The following USP50 variants were observed in gnomAD, a reference collection of about 807,000 sequenced individuals.
USP50 encodes the protein ubiquitin carboxyl-terminal hydrolase 50.
USP50 carries 37 observed loss-of-function variants against 39.2 expected under a neutral mutation model. The observed-to-expected ratio is 0.94, with a 90% CI of 0.73 to 1.24. The LOEUF is 1.24. Ranked by LOEUF, USP50 falls within the 50% of genes most tolerant of loss-of-function variation. The pLI is 0.00. For synonymous variants in USP50, 139 were observed against 144.5 expected, an observed-to-expected ratio of 0.96 and a Z score of 0.27; for missense variants, 374 against 398.2, an observed-to-expected ratio of 0.94 and a Z score of 0.52.
chr15:50,533,493 T>C (rs1171569087), intron 5 of USP50, among the ~76,000 whole-genome samples: 1 of 151,798 alleles, frequency 6.6e-6, no homozygotes, highest in Non-Finnish European at 1.5e-5. Context: ...AACACACCTA[T>C]AGAGGAGCAA....
downstream of USP50, chr15:50,499,000 A>T: frequency 1.9e-6 from 3 of 1,613,966 alleles, no homozygotes; most frequent in Non-Finnish European, 2.5e-6. Flanking sequence ...GAAGTTTCTG[A>T]TATCTCCGTT....
In USP50 at chr15:50,506,456, G is replaced by A. The variant is rs534639828; in HGVS notation, c.937-5619C>T. 7.2e-5 allele frequency: 11 copies of A among 152,136 alleles called. No homozygotes were observed. The East Asian group carries it at 2.1e-3, about 29-fold the overall frequency. The allele number at this position is 152,136 out of a possible 1,614,324, so 9.4% of individuals were successfully genotyped here. A position where few individuals can be genotyped will look rare whatever the true frequency, so the allele number is the denominator to read the frequency against. ...TTAATCCCAAAACCATGCCCGCCCC[G>A]GCCCCCATCCATGGGAAAAAAACCG... is the stretch of plus-strand genomic sequence containing the variant. On this transcript the variant is annotated intron_variant, in intron 6 of 6. Transcript: ENST00000532404.
chr15:50,509,153 A>AG (rs1342534194), intron 6 of USP50: 4 of 149,408 alleles, frequency 2.7e-5, no homozygotes, highest in Non-Finnish European at 5.9e-5. Context: ...AAAAAAAAAA[A>AG]AAAAAAAATT....
At chr15:50,538,558 G>T in intron 5 of USP50, 151 bp downstream of exon 5, 2 of 845,794 alleles carry the variant, frequency 2.4e-6, no homozygotes, top group Non-Finnish European at 3.5e-6. Flanking sequence ...GTGTTATGCT[G>T]TATATATTTT....
intron 3 of USP50, among the ~76,000 whole-genome samples, 176 bp from the exon 4 acceptor site, chr15:50,541,440 G>C (rs1024383369): frequency 6.6e-6 from 1 of 152,062 alleles, no homozygotes; most frequent in Non-Finnish European, 1.5e-5. Context: ...TTGAGCCTAG[G>C]AGTTTGAGAC....
In USP50 at chr15:50,533,892, C is replaced by T. The variant is rs575138188; in HGVS notation, c.804-3963G>A. On this transcript the variant is annotated intron_variant, in intron 5 of 6. Transcript: ENST00000532404. ...GTGTGGGCCTGTAGTCCCAGCTACT[C>T]GGGAGGCTGAGGCAGGAGAATCGCT... Among the ~76,000 whole-genome samples, 6 of 151,998 alleles carry T rather than the reference C, an allele frequency of 3.9e-5. No individual in the cohort carries two copies. The South Asian group carries it at 1.2e-3, about 32-fold the overall frequency.
At position 50,543,761 on chromosome 15, in the gene USP50, T is replaced by G; in HGVS notation, c.281A>C (p.Tyr94Ser). The change falls in exon 3 of 7, where the codon TAT becomes TCT. Residue 94 changes from tyrosine (Y) to serine (S), a missense_variant. Coordinates refer to ENST00000532404, the MANE Select transcript of USP50 (RefSeq NM_203494.5). ...DCSEVATAFA[Y>S]LMTDMWLGDS... ...TCCCAGCCACATGTCTGTCATCAGA[T>G]AGGCAAAAGCAGTGGCAACTTCACT... is the stretch of plus-strand genomic sequence containing the variant. 11 of 1,609,912 alleles carry G rather than the reference T, an allele frequency of 6.8e-6. No homozygotes were observed. Among genetic ancestry groups the G allele is most frequent in the Non-Finnish European group, 8.5e-6 (10 of 1,177,908 alleles).
At chr15:50,533,295 T>C (rs528271351) in intron 5 of USP50, among the ~76,000 whole-genome samples, 1 of 151,444 alleles carries the variant, frequency 6.6e-6, no homozygotes, top group East Asian at 1.9e-4. Context: ...GAAAAAATAT[T>C]TGAAACAATA....
At chr15:50,522,610 T>C (rs888747724) in intron 6 of USP50, among the ~76,000 whole-genome samples, 1 of 152,040 alleles carries the variant, frequency 6.6e-6, no homozygotes, top group African/African-American at 2.4e-5. Flanking sequence ...CTGATGAACA[T>C]AGATGCAAAA....
Position 50,546,454 on chromosome 15 carries a change from GT to G in USP50, c.53+18del, listed in dbSNP as rs1228800926. On this transcript the variant is annotated intron_variant, in intron 1 of 6. Coordinates refer to ENST00000532404, the MANE Select transcript of USP50 (RefSeq NM_203494.5). ...CACCACTGGGCTAATCTAGAAAGCT[GT>G]AGTAGATCAAGGCTCACAGGACGTG... 2 of 1,613,024 alleles carry G rather than the reference GT, an allele frequency of 1.2e-6. No homozygotes were observed. Among genetic ancestry groups the G allele is most frequent in the Admixed American group, 3.3e-5 (2 of 59,990 alleles).
At chr15:50,513,036 CAA>C (rs2141354635) in intron 6 of USP50, 1 of 152,198 alleles carries the variant, frequency 6.6e-6, no homozygotes, top group African/African-American at 2.4e-5. Flanking sequence ...AAAAAATGTG[CAA>C]AAGACAAATA....
chr15:50,512,504 C>G (rs957729728), intron 6 of USP50: 5 of 151,774 alleles, frequency 3.3e-5, no homozygotes, highest in Admixed American at 3.3e-4. Flanking sequence ...AACTACTGAA[C>G]TGGCCAGGCA....
chr15:50,499,963 A>G (rs1475904285), downstream of USP50: 1 of 152,160 alleles, frequency 6.6e-6, no homozygotes, highest in Admixed American at 6.6e-5. Context: ...GTCAGGCATG[A>G]TTGCAAAGTG....
downstream of USP50, chr15:50,493,366 A>G: frequency 3.8e-6 from 2 of 519,840 alleles, no homozygotes; most frequent in Non-Finnish European, 7.7e-6. Flanking sequence ...TTTCATGTTG[A>G]CATCAAGAAC....
chr15:50,536,109 G>GTATAA (rs1566910613), intron 5 of USP50, among the ~76,000 whole-genome samples: 1 of 152,106 alleles, frequency 6.6e-6, no homozygotes, highest in Non-Finnish European at 1.5e-5. Flanking sequence ...TTTCAACATT[G>GTATAA]TATTAGAAGA....
At chr15:50,497,897 TTTATC>T (rs1344551464), downstream of USP50, among the ~76,000 whole-genome samples, 2 of 152,218 alleles carry the variant, frequency 1.3e-5, no homozygotes, top group East Asian at 1.9e-4. Flanking sequence ...TTAAAAATGT[TTTATC>T]TTGTATTGAG....
intron 6 of USP50, chr15:50,506,045 A>G (rs773964016): frequency 6.6e-6 from 1 of 152,224 alleles, no homozygotes; most frequent in African/African-American, 2.4e-5. Flanking sequence ...AGCAGAGTAT[A>G]AAGATCTTGA....
At chr15:50,534,291 A>T (rs2052963526) in intron 5 of USP50, among the ~76,000 whole-genome samples, 1 of 152,186 alleles carries the variant, frequency 6.6e-6, no homozygotes, top group South Asian at 2.1e-4. Flanking sequence ...AAAGTGGACC[A>T]GGATTAGTTG....
intron 6 of USP50, 197 bp from the exon 7 acceptor site, chr15:50,501,034 G>T: frequency 3.8e-6 from 2 of 530,894 alleles, no homozygotes; most frequent in Admixed American, 3.1e-5. Flanking sequence ...CTTATATGTT[G>T]TGCCCATTGA....
Sources: gnomAD v4.1 joint callset for allele counts (sites outside exome capture counted in the v4.1 genomes callset) on GRCh38, gnomAD v4.1.1 for gene constraint, MANE v1.5 for transcripts, NCBI Gene and HGNC (gene_info 2026-07-23, HGNC 2026-07-21) for gene names.